MCTP1: variants seen among roughly 807,000 people sequenced by gnomAD.
The protein encoded by MCTP1 is multiple C2 and transmembrane domain containing 1.
In MCTP1, 69 loss-of-function variants were observed where a neutral mutation model predicts 120.6. The ratio of observed to expected loss-of-function variants is 0.57; its 90% CI spans 0.47 to 0.70. MCTP1 has a LOEUF of 0.70. Ranked by LOEUF, MCTP1 falls within the 30% of genes least tolerant of loss-of-function variation. The pLI, the probability that MCTP1 is intolerant of heterozygous loss-of-function variation, is 0.00. For synonymous variants in MCTP1, 529 were observed against 493.1 expected (o/e 1.07, Z -0.96); for missense variants, 1,203 against 1,248.8 (o/e 0.96, Z 0.55).
intron 19 of MCTP1, among the ~76,000 whole-genome samples, chr5:94,766,048 C>T (rs1772618465): frequency 6.6e-6 from 1 of 152,096 alleles, no homozygotes; most frequent in Non-Finnish European, 1.5e-5. Flanking sequence ...AGTTCAAGAC[C>T]AGCCCAGCCA....
At chr5:94,850,608 G>A (rs910950680) in intron 17 of MCTP1, among the ~76,000 whole-genome samples, 5 of 152,142 alleles carry the variant, frequency 3.3e-5, no homozygotes, top group African/African-American at 9.6e-5. Context: ...CTGGGACATG[G>A]ATTGACAGCT....
At chr5:95,085,404 A>ATT (rs33917216) in intron 1 of MCTP1, among the ~76,000 whole-genome samples, 54,973 of 144,660 alleles carry the variant, frequency 0.38, 10,835 homozygotes, top group African/African-American at 0.48. Flanking sequence ...GATCCTTTAA[A>ATT]TTTTTTTTTT....
intron 1 of MCTP1, among the ~76,000 whole-genome samples, chr5:95,088,821 A>C (rs1351518604): frequency 1.3e-5 from 2 of 152,224 alleles, no homozygotes; most frequent in Non-Finnish European, 2.9e-5. Flanking sequence ...AGGCAAAGAA[A>C]GGTTAAGCAA....
Position 94,873,076 on chromosome 5 carries a change from C to G in MCTP1, c.2036+63G>C, listed in dbSNP as rs538436885. On this transcript the variant is annotated intron_variant, in intron 13 of 22. Transcript: ENST00000515393. ...TAAACACACACATTTTTTTTAAAAC[C>G]CTCAAAAATAAATCAAATTTAACAC... The G allele has an allele frequency of 3.2e-5, 30 of 949,686 alleles. No homozygotes were observed. In the African/African-American group the frequency reaches 4.4e-4, roughly 14 times the overall value. The allele number at this position is 949,686 out of a possible 1,614,324, so 58.8% of individuals were successfully genotyped here. A position where few individuals can be genotyped will look rare whatever the true frequency, so the allele number is the denominator to read the frequency against.
In MCTP1 at chr5:95,283,868, G is replaced by A. The variant is rs1376461964; in HGVS notation, c.708C>T (p.His236=). ...CACCGGCACTCACCTGGCTGCTGCC[G>A]TGCTCCTCGCCCGTCTCCGGGGCCC... ...ESRAPETGEE[H]GSSQKIINTA... Residue 236 remains histidine, a synonymous_variant, in exon 1 of 23, where the codon CAC becomes CAT. Transcript: ENST00000515393. 1 of 1,374,278 alleles carries A rather than the reference G, an allele frequency of 7.3e-7. No individual in the cohort carries two copies. Among genetic ancestry groups the A allele is most frequent in the Non-Finnish European group, 9.3e-7 (1 of 1,072,782 alleles). The allele number at this position is 1,374,278 out of a possible 1,614,324, so 85.1% of individuals were successfully genotyped here. A position where few individuals can be genotyped will look rare whatever the true frequency, so the allele number is the denominator to read the frequency against.
intron 1 of MCTP1, among the ~76,000 whole-genome samples, chr5:95,085,387 G>T (rs1755348899): frequency 7.2e-6 from 1 of 138,916 alleles, no homozygotes. Context: ...AAATATAATA[G>T]TGTATAGATC....
chr5:94,990,468 T>G (rs1831318350), intron 2 of MCTP1, among the ~76,000 whole-genome samples: 1 of 152,120 alleles, frequency 6.6e-6, no homozygotes, highest in African/African-American at 2.4e-5. Flanking sequence ...CAGAGATCAT[T>G]CTTCTCCATT....
chr5:94,932,662 C>T (rs1276860910), intron 5 of MCTP1, among the ~76,000 whole-genome samples: 1 of 151,916 alleles, frequency 6.6e-6, no homozygotes, highest in Non-Finnish European at 1.5e-5. Context: ...ATCATAAAAG[C>T]CCAACGAATT....
At chr5:94,773,204 A>AGAATGATAATAAG (rs1774483898) in intron 19 of MCTP1, among the ~76,000 whole-genome samples, 1 of 152,076 alleles carries the variant, frequency 6.6e-6, no homozygotes, top group East Asian at 1.9e-4. Context: ...AACATCCCTC[A>AGAATGATAATAAG]CCCCAGATCA....
chr5:95,247,418 T>A (rs966914839), intron 1 of MCTP1, among the ~76,000 whole-genome samples: 11 of 152,320 alleles, frequency 7.2e-5, no homozygotes, highest in Admixed American at 6.5e-4. Flanking sequence ...TCTTAGTTAT[T>A]CCTTGCTTCT....
intron 1 of MCTP1, among the ~76,000 whole-genome samples, chr5:95,207,996 A>AGGGAGAGAGAGGGAGAGAGAGG: frequency 6.8e-6 from 1 of 147,730 alleles, no homozygotes; most frequent in Non-Finnish European, 1.5e-5. Context: ...AGAGAAAGAG[A>AGGGAGAGAGAGGGAGAGAGAGG]GGGAGAGAGA....
At chr5:95,068,292 G>C (rs1243650168) in intron 1 of MCTP1, among the ~76,000 whole-genome samples, 2 of 152,184 alleles carry the variant, frequency 1.3e-5, no homozygotes, top group African/African-American at 4.8e-5. Context: ...GAGAAAGAGA[G>C]AGACAGAGAG....
chr5:95,103,135 ATAT>A (rs999392804), intron 1 of MCTP1, among the ~76,000 whole-genome samples: 12 of 151,486 alleles, frequency 7.9e-5, no homozygotes, highest in Non-Finnish European at 1.3e-4. Context: ...ATTTATTATT[ATAT>A]TATTATTGTC....
At chr5:94,745,217 C>T (rs1448982817) in intron 19 of MCTP1, among the ~76,000 whole-genome samples, 1 of 152,124 alleles carries the variant, frequency 6.6e-6, no homozygotes, top group East Asian at 1.9e-4. Context: ...AACCAGTATG[C>T]CCACAAGTGA....
chr5:95,242,040 A>G (rs1429335554), intron 1 of MCTP1, among the ~76,000 whole-genome samples: 3 of 152,140 alleles, frequency 2.0e-5, no homozygotes, highest in African/African-American at 7.2e-5. Flanking sequence ...GCTTAGTGAG[A>G]AAAAAAGTCC....
intron 1 of MCTP1, among the ~76,000 whole-genome samples, chr5:95,211,627 C>T (rs1330101454): frequency 1.3e-5 from 2 of 152,290 alleles, no homozygotes; most frequent in South Asian, 2.1e-4. Context: ...TGAATTTCCT[C>T]CTGTAGCTCA....
At chr5:95,119,584 A>C (rs976130048) in intron 1 of MCTP1, among the ~76,000 whole-genome samples, 7 of 152,210 alleles carry the variant, frequency 4.6e-5, no homozygotes, top group African/African-American at 1.7e-4. Flanking sequence ...CAAAAAGCAC[A>C]AAGTTGGTTT....
At chr5:95,197,797 G>C (rs1211360523) in intron 1 of MCTP1, among the ~76,000 whole-genome samples, 1 of 152,046 alleles carries the variant, frequency 6.6e-6, no homozygotes, top group Non-Finnish European at 1.5e-5. Context: ...ACGTGGGATT[G>C]GTTCCAGTTC....
In MCTP1 at chr5:94,706,205, T is replaced by C. The variant is rs1754539537; in HGVS notation, c.*1291A>G. ...TGTCTGCTGCAATTTCAACTGAGTG[T>C]AGTCCCCTACCAAGTCAGGGAAGTA... On this transcript the variant is annotated 3_prime_UTR_variant, in exon 23 of 23. Coordinates refer to ENST00000515393, the MANE Select transcript of MCTP1 (RefSeq NM_024717.7). The C allele has an allele frequency of 6.6e-6, 1 of 151,656 alleles. No individual in the cohort carries two copies. The highest frequency in any genetic ancestry group is 2.1e-4 in the South Asian group (1 of 4,812). The allele number at this position is 151,656 out of a possible 1,614,324, so 9.4% of individuals were successfully genotyped here.
Sources: gnomAD v4.1 joint callset for allele counts (sites outside exome capture counted in the v4.1 genomes callset) on GRCh38, gnomAD v4.1.1 for gene constraint, MANE v1.5 for transcripts, NCBI Gene and HGNC (gene_info 2026-07-23, HGNC 2026-07-21) for gene names.